Variants in SNRPD1 observed in about 807,000 individuals in gnomAD.
The protein encoded by SNRPD1 is small nuclear ribonucleoprotein D1 polypeptide.
SNRPD1 carries 1 observed loss-of-function variant against 14.4 expected under a neutral mutation model. The observed-to-expected ratio is 0.07, with a 90% CI of 0.02 to 0.33. The LOEUF is 0.33. Ranked by LOEUF, SNRPD1 falls within the 10% of genes least tolerant of loss-of-function variation. The probability of loss-of-function intolerance (pLI) is 1.00; values close to 1 mark genes in which losing one functional copy is unlikely to be tolerated. For synonymous variants in SNRPD1, 42 were observed against 50.3 expected, an observed-to-expected ratio of 0.83 and a Z score of 0.70; for missense variants, 52 against 146.4, an observed-to-expected ratio of 0.36 and a Z score of 3.33.
Position 21,629,293 on chromosome 18 carries a change from C to G in SNRPD1, c.*155C>G. 1 of 603,620 alleles carries G rather than the reference C, an allele frequency of 1.7e-6. No homozygotes were observed. The highest frequency in any genetic ancestry group is 2.3e-5 in the South Asian group (1 of 43,754). The allele number at this position is 603,620 out of a possible 1,614,324, so 37.4% of individuals were successfully genotyped here. A position where few individuals can be genotyped will look rare whatever the true frequency, so the allele number is the denominator to read the frequency against. On this transcript the variant is annotated 3_prime_UTR_variant, in exon 4 of 4. Coordinates refer to ENST00000300413, the MANE Select transcript of SNRPD1 (RefSeq NM_006938.4). ...AGTTTCCTCCACATTCACGAAATTA[C>G]CACAGTGAGAGCTAAGCATTTCTAC...
In SNRPD1 at chr18:21,629,799, C is replaced by T. The variant is rs886333019; in HGVS notation, c.*661C>T. 1 of 151,990 alleles carries T rather than the reference C, an allele frequency of 6.6e-6. No homozygotes were observed. Among genetic ancestry groups the T allele is most frequent in the African/African-American group, 2.4e-5 (1 of 41,378 alleles). 9.4% of individuals were successfully genotyped at this position (151,990 alleles called of 1,614,324 possible). A position where few individuals can be genotyped will look rare whatever the true frequency, so the allele number is the denominator to read the frequency against. Reference sequence around the variant, plus strand: ...TTAACAATATATATAGGATATATACCCTTCTACTTCACATGCACTGAATAT... The same window carrying T: ...TTAACAATATATATAGGATATATACTCTTCTACTTCACATGCACTGAATAT... On this transcript the variant is annotated 3_prime_UTR_variant, in exon 4 of 4. Transcript: ENST00000300413.
At chr18:21,624,551 C>T (rs1251549754) in intron 3 of SNRPD1, among the ~76,000 whole-genome samples, 6 of 151,574 alleles carry the variant, frequency 4.0e-5, no homozygotes, top group South Asian at 2.1e-4. Context: ...AAAAATCAGG[C>T]GTGGTGGTGC....
In SNRPD1 at chr18:21,630,892, T is replaced by C. The variant is rs891169483; in HGVS notation, c.*1754T>C. 1.3e-5 allele frequency: 2 copies of C among 149,546 alleles called. No homozygotes were observed. Among genetic ancestry groups the C allele is most frequent in the Non-Finnish European group, 3.0e-5 (2 of 67,560 alleles). 9.3% of individuals were successfully genotyped at this position (149,546 alleles called of 1,614,324 possible). ...CTGTCATATATATTAGATATATAAA[T>C]GTATATATTGGTATAAATAAATACT... On this transcript the variant is annotated 3_prime_UTR_variant, in exon 4 of 4. Coordinates refer to ENST00000300413, the MANE Select transcript of SNRPD1 (RefSeq NM_006938.4).
At chr18:21,613,523 T>C (rs113948674) in intron 1 of SNRPD1, among the ~76,000 whole-genome samples, 2 of 152,294 alleles carry the variant, frequency 1.3e-5, no homozygotes, top group South Asian at 4.1e-4. Context: ...GAAGTAACGT[T>C]TGTTTGAAAC....
intron 3 of SNRPD1, among the ~76,000 whole-genome samples, chr18:21,625,201 G>A (rs147179562): frequency 4.0e-5 from 6 of 150,732 alleles, no homozygotes; most frequent in African/African-American, 1.5e-4. Flanking sequence ...AAAGCCCCCC[G>A]CCTCATATCA....
At position 21,612,461 on chromosome 18, in the gene SNRPD1, C is replaced by A; in HGVS notation, c.14+18C>A. 6.5e-7 allele frequency: 1 copy of A among 1,536,378 alleles called. No individual in the cohort carries two copies. Among genetic ancestry groups the A allele is most frequent in the Non-Finnish European group, 8.8e-7 (1 of 1,131,358 alleles). On this transcript the variant is annotated intron_variant, in intron 1 of 3. Coordinates refer to ENST00000300413, the MANE Select transcript of SNRPD1 (RefSeq NM_006938.4). Reference sequence around the variant, plus strand: ...CTCGTGAGGTGAGGGAGTGACCAAGCAGCTCTGGGGGCTGTGAAGGGAGGG... The same window carrying A: ...CTCGTGAGGTGAGGGAGTGACCAAGAAGCTCTGGGGGCTGTGAAGGGAGGG...
At chr18:21,615,679 A>G (rs1040800106) in intron 1 of SNRPD1, among the ~76,000 whole-genome samples, 7 of 152,196 alleles carry the variant, frequency 4.6e-5, no homozygotes, top group Middle Eastern at 3.2e-3. Context: ...AAAATAAAAT[A>G]AAAAGTTATG....
At position 21,627,035 on chromosome 18, in the gene SNRPD1, C is replaced by T. The variant is rs201583767; in HGVS notation, c.284-2027C>T. Among the ~76,000 whole-genome samples the T allele has an allele frequency of 1.3e-4, 19 of 148,280 alleles. No individual in the cohort carries two copies. In the East Asian group the frequency reaches 3.7e-3, roughly 29 times the overall value. On this transcript the variant is annotated intron_variant, in intron 3 of 3. Coordinates refer to ENST00000300413, the MANE Select transcript of SNRPD1 (RefSeq NM_006938.4). ...TGGGCGCGGTGGCTCACGCCTGTAA[C>T]CCCAGCACTTTGGAAGGCCGAGGCA...
rs1309445111 is a variant in SNRPD1 at position 21,632,471 on chromosome 18, A to C, written c.*3333A>C. On this transcript the variant is annotated 3_prime_UTR_variant, in exon 4 of 4. Transcript: ENST00000300413. ...GAGACTGTTTCAAAAAAAAAAAAAA[A>C]ATTTGTTTTGAGAGTTTTTGTGTCT... The C allele has an allele frequency of 6.6e-6, 1 of 151,940 alleles. No homozygotes were observed. The highest frequency in any genetic ancestry group is 2.4e-5 in the African/African-American group (1 of 41,330). The allele number at this position is 151,940 out of a possible 1,614,324, so 9.4% of individuals were successfully genotyped here. A position where few individuals can be genotyped will look rare whatever the true frequency, so the allele number is the denominator to read the frequency against.
At chr18:21,624,415 G>A (rs1041394116) in intron 3 of SNRPD1, among the ~76,000 whole-genome samples, 10 of 150,546 alleles carry the variant, frequency 6.6e-5, no homozygotes, top group Non-Finnish European at 1.3e-4. Flanking sequence ...GATGTGGTCG[G>A]GCAGGGTGGC....
intron 1 of SNRPD1, among the ~76,000 whole-genome samples, chr18:21,613,927 G>A (rs1458004184): frequency 6.7e-6 from 1 of 149,122 alleles, no homozygotes; most frequent in African/African-American, 2.5e-5. Context: ...GTTAATTTTT[G>A]GTATATTTTT....
intron 3 of SNRPD1, among the ~76,000 whole-genome samples, chr18:21,626,984 TA>T (rs929799395): frequency 0.013 from 1,718 of 136,768 alleles, 12 homozygotes; most frequent in Non-Finnish European, 0.019. Flanking sequence ...TTTCTTTCTT[TA>T]AAAAAAAAAA....
At chr18:21,618,810 G>A (rs1193795070) in intron 1 of SNRPD1, among the ~76,000 whole-genome samples, 1 of 151,312 alleles carries the variant, frequency 6.6e-6, no homozygotes, top group Non-Finnish European at 1.5e-5. Context: ...TAAAAAAAAA[G>A]AAATTAAAAA....
At chr18:21,618,762 C>A (rs1024455297) in intron 1 of SNRPD1, among the ~76,000 whole-genome samples, 5 of 151,938 alleles carry the variant, frequency 3.3e-5, no homozygotes, top group African/African-American at 1.2e-4. Context: ...ATATCCCAGA[C>A]CAAGTAATTT....
At position 21,630,778 on chromosome 18, in the gene SNRPD1, A is replaced by C. The variant is rs2039076039; in HGVS notation, c.*1640A>C. On this transcript the variant is annotated 3_prime_UTR_variant, in exon 4 of 4. Coordinates refer to ENST00000300413, the MANE Select transcript of SNRPD1 (RefSeq NM_006938.4). ...ACGTCTCAAAAAAAAATCGAGAGAG[A>C]GATATATATATGTATTTATATATAT... 6.7e-6 allele frequency: 1 copy of C among 148,722 alleles called. No homozygotes were observed. Among genetic ancestry groups the C allele is most frequent in the African/African-American group, 2.4e-5 (1 of 40,886 alleles). The allele number at this position is 148,722 out of a possible 1,614,324, so 9.2% of individuals were successfully genotyped here.
At chr18:21,614,188 A>G (rs996701520) in intron 1 of SNRPD1, among the ~76,000 whole-genome samples, 1 of 152,080 alleles carries the variant, frequency 6.6e-6, no homozygotes, top group Non-Finnish European at 1.5e-5. Context: ...TAAGAGGATC[A>G]CTTGATCCTG....
chr18:21,632,337 T>TA lies in SNRPD1; in HGVS notation c.*3201dup, dbSNP rs2146264961. 6.6e-6 allele frequency: 1 copy of TA among 152,078 alleles called. No individual in the cohort carries two copies. The highest frequency in any genetic ancestry group is 2.1e-4 in the South Asian group (1 of 4,818). The allele number at this position is 152,078 out of a possible 1,614,324, so 9.4% of individuals were successfully genotyped here. On this transcript the variant is annotated 3_prime_UTR_variant, in exon 4 of 4. Coordinates refer to ENST00000300413, the MANE Select transcript of SNRPD1 (RefSeq NM_006938.4). ...AGCTTGGTGTGGTGGCGGGTGCCTG[T>TA]AATCTCAGTTACTCAGGAGGCTTAG... is the stretch of plus-strand genomic sequence containing the variant.
At chr18:21,618,984 T>A (rs1224380257) in intron 1 of SNRPD1, among the ~76,000 whole-genome samples, 1 of 152,154 alleles carries the variant, frequency 6.6e-6, no homozygotes, top group Non-Finnish European at 1.5e-5. Flanking sequence ...CCATTTAGTG[T>A]GATGATAGGA....
intron 1 of SNRPD1, among the ~76,000 whole-genome samples, chr18:21,616,689 C>CTT (rs34166333): frequency 7.4e-6 from 1 of 135,248 alleles, no homozygotes; most frequent in Admixed American, 7.5e-5. Flanking sequence ...CTCTTTAAGT[C>CTT]TTTTTTTTTT....
Sources: allele counts gnomAD v4.1 joint callset (sites outside exome capture counted in the v4.1 genomes callset), GRCh38; gene constraint gnomAD v4.1.1; transcripts MANE v1.5; gene names NCBI Gene and HGNC (gene_info 2026-07-23, HGNC 2026-07-21).